Variants in RBM27 observed in about 807,000 individuals in gnomAD.
RBM27 encodes the protein RNA binding motif protein 27, also known as RNA-binding protein 27.
Under a neutral mutation model 135.3 loss-of-function variants are expected in RBM27, and 22 were observed. That is an observed-to-expected ratio of 0.16 (90% confidence interval 0.12 to 0.23). The LOEUF (loss-of-function observed/expected upper bound fraction) is 0.23, where lower values mean the gene tolerates loss of function less well. RBM27 is among the 10% of genes least tolerant of loss of function. The pLI is 1.00. For missense variants in RBM27, 1,009 were observed against 1,281.0 expected (o/e 0.79, Z 3.24); for synonymous variants, 481 against 442.4 (o/e 1.09, Z -1.10).
chr5:146,236,286 C>T (rs1267812764), intron 7 of RBM27, among the ~76,000 whole-genome samples: 5 of 152,148 alleles, frequency 3.3e-5, no homozygotes, highest in Admixed American at 1.3e-4. Flanking sequence ...CATATCTTTC[C>T]GTTTCTCCAT....
In RBM27 at chr5:146,213,163, C is replaced by T. The variant is rs1027104824; in HGVS notation, c.60-5822C>T. On this transcript the variant is annotated intron_variant, in intron 1 of 20. Coordinates refer to ENST00000265271, the MANE Select transcript of RBM27 (RefSeq NM_018989.2). ...TGTTGCCCAGGCTGGAGTGCAATGG[C>T]GTGATCTTGGCTCACTGCAACCACC... 5.9e-5 allele frequency among the ~76,000 whole-genome samples: 9 copies of T among 151,970 alleles called. 1 individual carries two copies. In the East Asian group the frequency reaches 1.2e-3, roughly 20 times the overall value.
At chr5:146,267,210 G>C (rs1758653791) in intron 14 of RBM27, among the ~76,000 whole-genome samples, 1 of 152,208 alleles carries the variant, frequency 6.6e-6, no homozygotes, top group South Asian at 2.1e-4. Flanking sequence ...TAAATTCTAT[G>C]ATAGGATATC....
rs1173951702 is a variant in RBM27, at chr5:146,267,717, C to T, written c.2400C>T (p.Leu800=). 1.2e-6 allele frequency: 2 copies of T among 1,608,866 alleles called. No homozygotes were observed. Among genetic ancestry groups the T allele is most frequent in the Non-Finnish European group, 1.7e-6 (2 of 1,177,382 alleles). The change falls in exon 15 of 21, where the codon CTC becomes CTT. Residue 800 remains leucine, a synonymous_variant. Transcript: ENST00000265271. ...CAAACTTAAAGACACCTTCAAAGCTCTGTTCAGGGTCTAAATCTCATGATG... is the reference window on the plus strand; with the variant it reads ...CAAACTTAAAGACACCTTCAAAGCTTTGTTCAGGGTCTAAATCTCATGATG... The part of the protein sequence containing the change: ...SSSNLKTPSK[L]CSGSKSHDVQ...
chr5:146,204,833 G>A (rs1439442217), intron 1 of RBM27, among the ~76,000 whole-genome samples: 1 of 152,204 alleles, frequency 6.6e-6, no homozygotes, highest in East Asian at 1.9e-4. Context: ...AAATATTTTG[G>A]GTGGTGTTAG....
chr5:146,271,620 A>G lies in RBM27; in HGVS notation c.2934A>G (p.Leu978=), dbSNP rs1349186245. ...HMVVDHRPKA[L]TVGGFIEEEK... is the part of the protein sequence containing the mutation. ...TGGTGGACCATCGTCCCAAAGCACT[A>G]ACAGTTGGAGGATTCATTGAGGAAG... The change falls in exon 19 of 21, where the codon CTA becomes CTG. Residue 978 remains leucine (L), a synonymous_variant. Transcript: ENST00000265271. 1.2e-6 allele frequency: 2 copies of G among 1,613,956 alleles called. No individual in the cohort carries two copies. Among genetic ancestry groups the G allele is most frequent in the African/African-American group, 2.7e-5 (2 of 74,948 alleles).
At chr5:146,232,517 G>A (rs1235428649) in intron 6 of RBM27, among the ~76,000 whole-genome samples, 5 of 151,818 alleles carry the variant, frequency 3.3e-5, no homozygotes, top group African/African-American at 4.8e-5. Context: ...TTCATCCTAT[G>A]TTAAAACATA....
intron 9 of RBM27, among the ~76,000 whole-genome samples, chr5:146,254,397 A>G (rs1458172061): frequency 6.6e-6 from 1 of 152,068 alleles, no homozygotes; most frequent in Non-Finnish European, 1.5e-5. Flanking sequence ...GTATTTAAGA[A>G]TGGATGCATA....
At chr5:146,205,934 G>A (rs994400846) in intron 1 of RBM27, among the ~76,000 whole-genome samples, 1 of 152,106 alleles carries the variant, frequency 6.6e-6, no homozygotes, top group Admixed American at 6.6e-5. Flanking sequence ...CAGAAGAATC[G>A]CTTGAATCCC....
intron 1 of RBM27, among the ~76,000 whole-genome samples, chr5:146,213,688 A>G (rs1047569357): frequency 6.6e-6 from 1 of 152,178 alleles, no homozygotes; most frequent in Non-Finnish European, 1.5e-5. Flanking sequence ...CTTTGATCTT[A>G]TGATTGCATG....
Position 146,225,729 on chromosome 5 carries a change from C to T in RBM27, c.303+2202C>T, listed in dbSNP as rs544051176. On this transcript the variant is annotated intron_variant, in intron 3 of 20. Coordinates refer to ENST00000265271, the MANE Select transcript of RBM27 (RefSeq NM_018989.2). ...TACAGGCATGTGCCACCATGCCTGGCTGATTTTTGTATTTTTAATAGAGAT... is the reference window on the plus strand; with the variant it reads ...TACAGGCATGTGCCACCATGCCTGGTTGATTTTTGTATTTTTAATAGAGAT... 2.6e-5 allele frequency among the ~76,000 whole-genome samples: 4 copies of T among 152,134 alleles called. No individual in the cohort carries two copies. In the South Asian group the frequency reaches 6.2e-4, roughly 24 times the overall value.
chr5:146,241,787 C>T (rs141168972), intron 8 of RBM27, among the ~76,000 whole-genome samples: 4 of 152,104 alleles, frequency 2.6e-5, no homozygotes, highest in African/African-American at 9.6e-5. Context: ...AGACTGGTAA[C>T]GTTTCTAAGA....
rs533349098 is a variant in RBM27, at chr5:146,233,637, T to C, written c.1038T>C (p.Gly346=). Residue 346 remains glycine (G), a synonymous_variant, in exon 7 of 21, where the codon GGT becomes GGC. Coordinates refer to ENST00000265271, the MANE Select transcript of RBM27 (RefSeq NM_018989.2). ...GTCCAGGCCCAGGCCCGGGCCCAGG[T>C]CCAGGCCCAGGCCCGGGCCCAGGTC... is the stretch of plus-strand genomic sequence containing the variant. ...MPGPGPGPGP[G]PGPGPGPGPG... 5.1e-5 allele frequency: 81 copies of C among 1,589,630 alleles called. No individual in the cohort carries two copies. Among genetic ancestry groups the C allele is most frequent in the African/African-American group, 8.2e-5 (6 of 73,152 alleles).
chr5:146,213,207 A>G (rs1349108793), intron 1 of RBM27, among the ~76,000 whole-genome samples: 1 of 152,014 alleles, frequency 6.6e-6, no homozygotes, highest in Non-Finnish European at 1.5e-5. Flanking sequence ...GGTTCAAGCA[A>G]TTCTCCTGCC....
chr5:146,221,593 G>A (rs1756467022), intron 2 of RBM27, among the ~76,000 whole-genome samples: 2 of 151,998 alleles, frequency 1.3e-5, no homozygotes, highest in Non-Finnish European at 2.9e-5. Flanking sequence ...ACCACCACAC[G>A]TGGCTAATTT....
chr5:146,260,885 T>C lies in RBM27; in HGVS notation c.1880T>C (p.Ile627Thr). Residue 627 changes from isoleucine to threonine, a missense_variant, in exon 12 of 21, where the codon ATT becomes ACT. By Grantham distance (89) the Ile-to-Thr change is moderately conservative. Coordinates refer to ENST00000265271, the MANE Select transcript of RBM27 (RefSeq NM_018989.2). The stretch of plus-strand genomic sequence containing the variant: ...GAACACTTCAGCAAATTTGGAACTA[T>C]TGTTAATATCCAGGTAAATGTGGCT... Reference protein sequence around the residue: ...LNEHFSKFGTIVNIQVAFKGD... With the variant: ...LNEHFSKFGTTVNIQVAFKGD... 6.2e-7 allele frequency: 1 copy of C among 1,609,480 alleles called. No homozygotes were observed. The highest frequency in any genetic ancestry group is 8.5e-7 in the Non-Finnish European group (1 of 1,178,940).
At chr5:146,239,962 A>G (rs1757333552) in intron 8 of RBM27, among the ~76,000 whole-genome samples, 2 of 151,838 alleles carry the variant, frequency 1.3e-5, no homozygotes, top group Non-Finnish European at 2.9e-5. Flanking sequence ...ATTTTTTTGT[A>G]GAGACGGAGT....
intron 2 of RBM27, among the ~76,000 whole-genome samples, chr5:146,219,858 G>C (rs1356943309): frequency 2.6e-5 from 4 of 151,914 alleles, no homozygotes; most frequent in Non-Finnish European, 5.9e-5. Flanking sequence ...ACCCTGTTTT[G>C]TTTTATTTTT....
chr5:146,231,534 C>G (rs1399345621), intron 6 of RBM27, among the ~76,000 whole-genome samples: 2 of 151,956 alleles, frequency 1.3e-5, no homozygotes, highest in African/African-American at 2.4e-5. Flanking sequence ...TTTGTTTTCA[C>G]TGTTATTTCA....
intron 10 of RBM27, among the ~76,000 whole-genome samples, chr5:146,256,031 T>G (rs1434411745): frequency 3.3e-5 from 5 of 151,472 alleles, no homozygotes; most frequent in Non-Finnish European, 7.4e-5. Flanking sequence ...AATTTTTGTA[T>G]TTTTAGTATA....
Sources: allele counts gnomAD v4.1 joint callset (sites outside exome capture counted in the v4.1 genomes callset), GRCh38; gene constraint gnomAD v4.1.1; transcripts MANE v1.5; gene names NCBI Gene and HGNC (gene_info 2026-07-23, HGNC 2026-07-21).